USP25: variants seen among roughly 807,000 people sequenced by gnomAD.
The protein encoded by USP25 is ubiquitin specific peptidase 25.
USP25 carries 85 observed loss-of-function variants against 158.5 expected under a neutral mutation model. That is an observed-to-expected ratio of 0.54 (90% CI 0.45 to 0.64). The LOEUF is 0.64. Ranked by LOEUF, USP25 falls within the 30% of genes least tolerant of loss-of-function variation. USP25 has a pLI of 0.00. For synonymous variants in USP25, 464 were observed against 460.4 expected (o/e 1.01, Z -0.10); for missense variants, 1,242 against 1,327.3 (o/e 0.94, Z 1.00).
intron 4 of USP25, among the ~76,000 whole-genome samples, chr21:15,786,848 T>C (rs565063165): frequency 5.5e-4 from 83 of 152,164 alleles, no homozygotes; most frequent in African/African-American, 1.9e-3. Context: ...CCAGATGATA[T>C]GATCTTAAAT....
At chr21:15,869,828 C>A (rs2039810485) in intron 22 of USP25, among the ~76,000 whole-genome samples, 1 of 152,036 alleles carries the variant, frequency 6.6e-6, no homozygotes, top group Admixed American at 6.6e-5. Context: ...CTAGTAAAAT[C>A]TTTATTGTTT....
chr21:15,755,707 C>T (rs570794688), intron 1 of USP25, among the ~76,000 whole-genome samples: 9 of 151,892 alleles, frequency 5.9e-5, no homozygotes, highest in Non-Finnish European at 8.8e-5. Context: ...TCTGAAAGTT[C>T]GATTAATTGA....
intron 4 of USP25, among the ~76,000 whole-genome samples, chr21:15,784,096 T>G (rs1306473485): frequency 6.6e-6 from 1 of 152,046 alleles, no homozygotes; most frequent in Non-Finnish European, 1.5e-5. Context: ...AAAGAATGAT[T>G]AATACCATGA....
intron 1 of USP25, among the ~76,000 whole-genome samples, chr21:15,754,966 A>T (rs924777378): frequency 6.6e-6 from 1 of 152,218 alleles, no homozygotes; most frequent in African/African-American, 2.4e-5. Context: ...CATGAGCTAG[A>T]GCAGTGTAGT....
At chr21:15,851,640 A>G (rs2038893802) in intron 20 of USP25, among the ~76,000 whole-genome samples, 1 of 151,476 alleles carries the variant, frequency 6.6e-6, no homozygotes, top group South Asian at 2.1e-4. Flanking sequence ...TTTTCCCTTA[A>G]CTTTTGTTTT....
chr21:15,786,752 G>A (rs2095003060), intron 4 of USP25, among the ~76,000 whole-genome samples: 2 of 151,998 alleles, frequency 1.3e-5, no homozygotes, highest in African/African-American at 4.8e-5. Context: ...ATTCAACATA[G>A]TACTGGAAGT....
intron 24 of USP25, chr21:15,877,103 T>A (rs1601207652): frequency 1.3e-5 from 2 of 152,224 alleles, no homozygotes; most frequent in Admixed American, 1.3e-4. Context: ...ATATTGGGTA[T>A]TATTGTCTTT....
intron 7 of USP25, among the ~76,000 whole-genome samples, chr21:15,808,592 A>G (rs986683948): frequency 2.6e-5 from 4 of 151,396 alleles, no homozygotes; most frequent in Admixed American, 6.6e-5. Flanking sequence ...GTGAAACCCA[A>G]TAATTGATTA....
rs917570228 is a variant in USP25, at chr21:15,730,412, G to C, written c.19G>C (p.Val7Leu). MTVEQN[V>L]LQQSAAQKHQ... is the part of the protein sequence containing the mutation. ...GGGGGCCATGACCGTGGAGCAGAAC[G>C]TGCTGCAGCAGAGCGCGGCGCAGAA... Residue 7 changes from valine (V) to leucine (L), a missense_variant, in exon 1 of 26, where the codon GTG becomes CTG. Around this residue, in one of 3 missense-constraint regions of USP25, gnomAD observed 627 missense variants for 701.4 expected, o/e 0.89. Coordinates refer to ENST00000400183, the MANE Select transcript of USP25 (RefSeq NM_001283041.3). 3.0e-6 allele frequency: 4 copies of C among 1,347,480 alleles called. No individual in the cohort carries two copies. The highest frequency in any genetic ancestry group is 6.4e-5 in the Admixed American group (2 of 31,274). The allele number at this position is 1,347,480 out of a possible 1,614,324, so 83.5% of individuals were successfully genotyped here.
chr21:15,853,100 C>G (rs866633163), intron 20 of USP25, among the ~76,000 whole-genome samples: 6 of 152,150 alleles, frequency 3.9e-5, no homozygotes, highest in African/African-American at 1.4e-4. Flanking sequence ...ATTCTTAGCA[C>G]TGTGTATCTT....
chr21:15,779,075 C>T (rs544883580), intron 4 of USP25, among the ~76,000 whole-genome samples: 2 of 152,014 alleles, frequency 1.3e-5, no homozygotes, highest in East Asian at 1.9e-4. Flanking sequence ...TATCTTAGTG[C>T]GACTTTTTAA....
intron 7 of USP25, among the ~76,000 whole-genome samples, chr21:15,805,967 G>A (rs574030824): frequency 7.9e-5 from 12 of 152,312 alleles, no homozygotes; most frequent in Middle Eastern, 3.4e-3. Flanking sequence ...TGGAGAGGGC[G>A]TTTGGAAGAG....
intron 10 of USP25, among the ~76,000 whole-genome samples, chr21:15,819,299 C>T (rs921210025): frequency 1.3e-5 from 2 of 152,130 alleles, no homozygotes; most frequent in Non-Finnish European, 2.9e-5. Flanking sequence ...GAAGAACTTC[C>T]CTTCTCAAGG....
chr21:15,815,295 C>T (rs1029148738), intron 9 of USP25, among the ~76,000 whole-genome samples: 2 of 152,186 alleles, frequency 1.3e-5, no homozygotes, highest in African/African-American at 4.8e-5. Context: ...ACAACCTCTG[C>T]TAGGGCAGTA....
chr21:15,854,949 C>G (rs1157241001), intron 20 of USP25, among the ~76,000 whole-genome samples: 1 of 152,060 alleles, frequency 6.6e-6, no homozygotes, highest in Non-Finnish European at 1.5e-5. Context: ...TAGTGGCTTA[C>G]GGAGAGAAGA....
At chr21:15,854,158 T>C (rs1274785253) in intron 20 of USP25, among the ~76,000 whole-genome samples, 1 of 151,746 alleles carries the variant, frequency 6.6e-6, no homozygotes, top group African/African-American at 2.4e-5. Flanking sequence ...TTGTTTTGTT[T>C]TGTTTGAGGC....
At chr21:15,791,757 A>T in intron 5 of USP25, 93 bp downstream of exon 5, 1 of 1,329,910 alleles carries the variant, frequency 7.5e-7, no homozygotes, top group African/African-American at 1.5e-5. Flanking sequence ...TTTAAAGATA[A>T]GTACAGATAA....
At chr21:15,854,112 G>T (rs1406290457) in intron 20 of USP25, among the ~76,000 whole-genome samples, 1 of 151,912 alleles carries the variant, frequency 6.6e-6, no homozygotes, top group East Asian at 1.9e-4. Context: ...TGTGCTTAGT[G>T]TATTATAAAT....
rs775709289 is a variant in USP25 at position 15,870,109 on chromosome 21, G to A, written c.2847G>A (p.Met949Ile). ...QDYRKFRETT[M>I]YLIIGLENFQ... ...ATAGGAAATTCAGGGAAACAACTAT[G>A]TATCTCATAATTGGGCTAGAAAATT... The change falls in exon 23 of 26, where the codon ATG becomes ATA. Residue 949 changes from methionine to isoleucine, a missense_variant. Around this residue, in one of 3 missense-constraint regions of USP25, gnomAD observed 608 missense variants for 605.2 expected, o/e 1.00. Coordinates refer to ENST00000400183, the MANE Select transcript of USP25 (RefSeq NM_001283041.3). 1.2e-5 allele frequency: 19 copies of A among 1,610,152 alleles called. No homozygotes were observed. The highest frequency in any genetic ancestry group is 1.6e-5 in the Non-Finnish European group (19 of 1,178,224).
Sources: allele counts gnomAD v4.1 joint callset (sites outside exome capture counted in the v4.1 genomes callset), GRCh38; gene constraint gnomAD v4.1.1; regional missense constraint gnomAD v4.1.1; transcripts MANE v1.5; gene names NCBI Gene and HGNC (gene_info 2026-07-23, HGNC 2026-07-21).